Variants in SEMA3D observed in about 807,000 individuals in gnomAD.
SEMA3D encodes the protein semaphorin 3D, also known as semaphorin-3D.
Under a neutral mutation model 100.1 loss-of-function variants are expected in SEMA3D, and 84 were observed. That is an observed-to-expected ratio of 0.84 (90% confidence interval 0.70 to 1.01). The LOEUF (loss-of-function observed/expected upper bound fraction) is 1.01, where lower values mean the gene tolerates loss of function less well. Ranked by LOEUF, SEMA3D falls within the 50% of genes least tolerant of loss-of-function variation. The probability of loss-of-function intolerance (pLI) is 0.00; values close to 1 mark genes in which losing one functional copy is unlikely to be tolerated. For synonymous variants in SEMA3D, 312 were observed against 320.7 expected, an observed-to-expected ratio of 0.97 and a Z score of 0.29; for missense variants, 875 against 934.1, an observed-to-expected ratio of 0.94 and a Z score of 0.82.
At chr7:85,249,537 A>G in the SEMA3D span, among the ~76,000 whole-genome samples, 85 of 152,328 alleles carry the variant, frequency 5.6e-4, 1 homozygote, top group African/African-American at 1.9e-3. Flanking sequence ...ACCTCTTCTG[A>G]GCCAACTATC....
At chr7:85,012,951 G>A in intron 16 of SEMA3D, 105 bp from the exon 17 acceptor site, 1 of 808,598 alleles carries the variant, frequency 1.2e-6, no homozygotes, top group Admixed American at 2.0e-5. Context: ...TACTATGCTT[G>A]TCTTACAGTT....
chr7:85,122,073 A>C, intron 2 of SEMA3D, 142 bp from the exon 3 acceptor site: 1 of 501,524 alleles, frequency 2.0e-6, no homozygotes, highest in Non-Finnish European at 3.4e-6. Context: ...AACATAGCAT[A>C]CCAGGGCCTG....
chr7:85,078,522 A>T (rs1787954709), intron 5 of SEMA3D, among the ~76,000 whole-genome samples: 1 of 152,190 alleles, frequency 6.6e-6, no homozygotes, highest in African/African-American at 2.4e-5. Context: ...TAAGCTGTTT[A>T]ACCCACAATT....
Position 85,012,797 on chromosome 7 carries a change from A to G in SEMA3D, c.1753T>C (p.Trp585Arg). The change falls in exon 17 of 19, where the codon TGG becomes CGG. Residue 585 changes from tryptophan (W) to arginine (R), a missense_variant. Transcript: ENST00000284136. Reference sequence around the variant, plus strand: ...CTGTACTTACTGTCTTCGATGTCCCAGCACTGGGTGATTGGGTCGCCATAT... The same window carrying G: ...CTGTACTTACTGTCTTCGATGTCCCGGCACTGGGTGATTGGGTCGCCATAT... ...VKYGDPITQCWDIEDSISHET... is the reference protein window; with the variant it reads ...VKYGDPITQCRDIEDSISHET... 2 of 1,610,378 alleles carry G rather than the reference A, an allele frequency of 1.2e-6. No homozygotes were observed. The highest frequency in any genetic ancestry group is 1.7e-6 in the Non-Finnish European group (2 of 1,177,426).
chr7:85,102,779 AT>A (rs967052051), intron 3 of SEMA3D, among the ~76,000 whole-genome samples: 1 of 151,986 alleles, frequency 6.6e-6, no homozygotes, highest in Non-Finnish European at 1.5e-5. Context: ...TGTTTATGTC[AT>A]TTTTTTGTCT....
chr7:85,231,601 C>T, the SEMA3D span, among the ~76,000 whole-genome samples: 3 of 152,044 alleles, frequency 2.0e-5, no homozygotes, highest in Non-Finnish European at 4.4e-5. Flanking sequence ...CAGGCGTCTG[C>T]CACCACACCC....
At chr7:85,130,439 C>T (rs1263061232) in intron 2 of SEMA3D, among the ~76,000 whole-genome samples, 2 of 152,174 alleles carry the variant, frequency 1.3e-5, no homozygotes, top group African/African-American at 4.8e-5. Flanking sequence ...TTCCAACCCA[C>T]TTGTATTTCT....
At chr7:85,182,485 T>C (rs371915341) in intron 1 of SEMA3D, among the ~76,000 whole-genome samples, 1 of 152,178 alleles carries the variant, frequency 6.6e-6, no homozygotes. Context: ...TGTTCAGCAT[T>C]GAACAACATG....
intron 1 of SEMA3D, among the ~76,000 whole-genome samples, chr7:85,165,921 G>A (rs1018532661): frequency 1.3e-5 from 2 of 151,956 alleles, no homozygotes; most frequent in Non-Finnish European, 2.9e-5. Context: ...CAAGAGGCAA[G>A]GGAAAATGCA....
the SEMA3D span, among the ~76,000 whole-genome samples, chr7:85,207,373 A>G: frequency 2.0e-5 from 3 of 152,098 alleles, no homozygotes; most frequent in East Asian, 5.8e-4. Context: ...ATATCTAAAT[A>G]CTGTGTTTTT....
At chr7:85,216,243 G>A in the SEMA3D span, among the ~76,000 whole-genome samples, 3 of 151,930 alleles carry the variant, frequency 2.0e-5, no homozygotes, top group Admixed American at 2.0e-4. Flanking sequence ...GAAAGTTTCA[G>A]CCAAATATTT....
At chr7:85,227,736 T>C in the SEMA3D span, among the ~76,000 whole-genome samples, 11 of 152,154 alleles carry the variant, frequency 7.2e-5, no homozygotes, top group African/African-American at 2.4e-4. Context: ...AGAAAACAAA[T>C]GTATGATGAA....
chr7:85,170,334 G>A (rs1312273800), intron 1 of SEMA3D, among the ~76,000 whole-genome samples: 2 of 151,828 alleles, frequency 1.3e-5, no homozygotes, highest in African/African-American at 4.8e-5. Context: ...AAGATCATGA[G>A]GTATTCTGTA....
At chr7:85,154,656 C>CCTTGT (rs1369325961) in intron 1 of SEMA3D, among the ~76,000 whole-genome samples, 1 of 152,100 alleles carries the variant, frequency 6.6e-6, no homozygotes. Context: ...CAGATTGTCT[C>CCTTGT]CTTGTTTATA....
chr7:85,072,956 T>C lies in SEMA3D; in HGVS notation c.495+6A>G, dbSNP rs1438774303. 5 of 1,591,848 alleles carry C rather than the reference T, an allele frequency of 3.1e-6. No individual in the cohort carries two copies. The African/African-American group carries it at 4.1e-5, about 13-fold the overall frequency. On this transcript the variant is annotated splice_donor_region_variant and intron_variant, in intron 6 of 18. Coordinates refer to ENST00000284136, the MANE Select transcript of SEMA3D (RefSeq NM_001384900.1). Reference sequence around the variant, plus strand: ...TTATGCTTTTCATGCTTTTTCATTATATTACCTCCTTGTAGACTCCAAGAT... The same window carrying C: ...TTATGCTTTTCATGCTTTTTCATTACATTACCTCCTTGTAGACTCCAAGAT...
chr7:85,226,790 C>T, the SEMA3D span, among the ~76,000 whole-genome samples: 3 of 152,084 alleles, frequency 2.0e-5, no homozygotes, highest in East Asian at 5.8e-4. Flanking sequence ...ACACAGCCTG[C>T]TTTATGGAAT....
intron 11 of SEMA3D, 97 bp from the exon 12 acceptor site, chr7:85,037,130 A>G: frequency 8.4e-7 from 1 of 1,190,754 alleles, no homozygotes. Flanking sequence ...GACAAAATTT[A>G]CTTAGCACAT....
the SEMA3D span, among the ~76,000 whole-genome samples, chr7:85,237,984 C>T: frequency 6.6e-6 from 1 of 152,150 alleles, no homozygotes; most frequent in South Asian, 2.1e-4. Context: ...AGTGGGATAC[C>T]AGTACTGTTT....
intron 2 of SEMA3D, chr7:85,142,405 T>C: frequency 1.1e-6 from 1 of 908,652 alleles, no homozygotes; most frequent in African/African-American, 1.8e-5. Context: ...TATTTAAAAC[T>C]CAATAATAAA....
Sources: allele counts gnomAD v4.1 joint callset (sites outside exome capture counted in the v4.1 genomes callset), GRCh38; gene constraint gnomAD v4.1.1; transcripts MANE v1.5; gene names NCBI Gene and HGNC (gene_info 2026-07-23, HGNC 2026-07-21).